The following RBFOX3 variants were observed in gnomAD, a reference collection of about 807,000 sequenced individuals.
The protein encoded by RBFOX3 is RNA binding protein fox-1 homolog 3.
A neutral mutation model predicts 48.7 loss-of-function variants in RBFOX3; 17 were observed. That is an observed-to-expected ratio of 0.35 (90% CI 0.24 to 0.52). RBFOX3 has a LOEUF of 0.52. Ranked by LOEUF, RBFOX3 falls within the 20% of genes least tolerant of loss-of-function variation. The pLI, the probability that RBFOX3 is intolerant of heterozygous loss-of-function variation, is 0.94. For synonymous variants in RBFOX3, 212 were observed against 209.5 expected (o/e 1.01, Z -0.10); for missense variants, 382 against 497.5 (o/e 0.77, Z 2.21).
At chr17:79,354,625 C>T (rs148233032) in intron 2 of RBFOX3, among the ~76,000 whole-genome samples, 11 of 152,356 alleles carry the variant, frequency 7.2e-5, no homozygotes, top group African/African-American at 2.2e-4. Flanking sequence ...GGGACTGAGG[C>T]GTGGAACAGA....
rs1176095297 is a variant in RBFOX3 at position 79,443,083 on chromosome 17, C to T, written c.-175+39371G>A. The stretch of plus-strand genomic sequence containing the variant: ...CTCACAGGCCAAAGGTGCACATGGA[C>T]GAGACAGTGGTGGCCTCTGCCCCTG... On this transcript the variant is annotated intron_variant, in intron 2 of 14. Coordinates refer to ENST00000693108, the MANE Select transcript of RBFOX3 (RefSeq NM_001350451.2). The surrounding 1 kb of genome is among the most constrained non-coding windows in gnomAD (Gnocchi z 4.4). Among the ~76,000 whole-genome samples, 1 of 152,234 alleles carries T rather than the reference C, an allele frequency of 6.6e-6. No individual in the cohort carries two copies. The highest frequency in any genetic ancestry group is 1.5e-5 in the Non-Finnish European group (1 of 68,046).
intron 3 of RBFOX3, among the ~76,000 whole-genome samples, chr17:79,241,401 T>A (rs12945287): frequency 6.6e-6 from 1 of 152,050 alleles, no homozygotes; most frequent in Non-Finnish European, 1.5e-5. Context: ...TTTTGGGACA[T>A]CTCTTCTTAA....
At chr17:79,338,497 T>C (rs2081548961) in intron 2 of RBFOX3, among the ~76,000 whole-genome samples, 1 of 152,174 alleles carries the variant, frequency 6.6e-6, no homozygotes, top group Non-Finnish European at 1.5e-5. Flanking sequence ...AAACAGCTTT[T>C]CCAGAATTGG....
chr17:79,148,480 G>A lies in RBFOX3; in HGVS notation c.-33-32732C>T, dbSNP rs2043548256. ...CAAACCCAGGTTTGAGCCACAGGAGGAGGGAGAAGCACCCCACACCCCCCC... is the reference window on the plus strand; with the variant it reads ...CAAACCCAGGTTTGAGCCACAGGAGAAGGGAGAAGCACCCCACACCCCCCC... On this transcript the variant is annotated intron_variant, in intron 4 of 14. Coordinates refer to ENST00000693108, the MANE Select transcript of RBFOX3 (RefSeq NM_001350451.2). 2.0e-5 allele frequency among the ~76,000 whole-genome samples: 3 copies of A among 152,172 alleles called. No individual in the cohort carries two copies. The East Asian group carries it at 5.8e-4, about 29-fold the overall frequency.
At chr17:79,330,999 T>A (rs548785049) in intron 2 of RBFOX3, among the ~76,000 whole-genome samples, 4 of 152,118 alleles carry the variant, frequency 2.6e-5, no homozygotes, top group Non-Finnish European at 5.9e-5. Flanking sequence ...GTGGGTCCCA[T>A]CCCGCTAACT....
In RBFOX3 at chr17:79,494,975, C is replaced by A. The variant is rs987268871; in HGVS notation, c.-319-12377G>T. On this transcript the variant is annotated intron_variant, in intron 1 of 14. Transcript: ENST00000693108. ...GAGGAGGACTTGGAACCACCCAAGTCTGCCCCATCTTTGGGGGTGGCTGTC... is the reference window on the plus strand; with the variant it reads ...GAGGAGGACTTGGAACCACCCAAGTATGCCCCATCTTTGGGGGTGGCTGTC... Among the ~76,000 whole-genome samples the A allele has an allele frequency of 1.5e-3, 236 of 152,304 alleles. 2 individuals carry two copies. Among genetic ancestry groups the A allele is most frequent in the African/African-American group, 5.6e-3 (234 of 41,566 alleles).
intron 3 of RBFOX3, among the ~76,000 whole-genome samples, chr17:79,259,727 C>T (rs865962748): frequency 3.9e-5 from 6 of 152,094 alleles, no homozygotes; most frequent in African/African-American, 9.7e-5. Context: ...AGCCAGGAGA[C>T]GCAGGGACAG....
intron 3 of RBFOX3, among the ~76,000 whole-genome samples, chr17:79,291,822 G>C (rs571604099): frequency 3.9e-5 from 6 of 152,258 alleles, no homozygotes; most frequent in Non-Finnish European, 7.4e-5. Context: ...CTCTGTTCAG[G>C]AGCAAGCAAG....
chr17:79,187,769 GC>G (rs1457626761), intron 4 of RBFOX3, among the ~76,000 whole-genome samples: 2 of 152,114 alleles, frequency 1.3e-5, no homozygotes. Flanking sequence ...TCAGGGAGAA[GC>G]CCCCACTCAG....
At chr17:79,115,400 G>T in intron 5 of RBFOX3, 94 bp downstream of exon 5, 2 of 780,770 alleles carry the variant, frequency 2.6e-6, no homozygotes, top group Non-Finnish European at 3.5e-6. Flanking sequence ...TCGCCCACCT[G>T]GTACACCTCA....
chr17:79,570,970 G>A (rs1217068588), intron 1 of RBFOX3, among the ~76,000 whole-genome samples: 16 of 152,210 alleles, frequency 1.1e-4, no homozygotes, highest in Admixed American at 2.0e-4. Flanking sequence ...GGGGGCCCCC[G>A]GGAGAAAAGA....
chr17:79,415,237 C>T (rs1206573735), intron 2 of RBFOX3, among the ~76,000 whole-genome samples: 1 of 152,240 alleles, frequency 6.6e-6, no homozygotes, highest in Non-Finnish European at 1.5e-5. Flanking sequence ...TTCGTTTAAG[C>T]CCAGATGAGT....
At chr17:79,352,596 C>G (rs2084171426) in intron 2 of RBFOX3, among the ~76,000 whole-genome samples, 2 of 152,208 alleles carry the variant, frequency 1.3e-5, no homozygotes, top group South Asian at 4.1e-4. Context: ...CCCAACTTAC[C>G]TCTTAAATGT....
chr17:79,529,067 T>G (rs2087269679), intron 1 of RBFOX3, among the ~76,000 whole-genome samples: 4 of 152,210 alleles, frequency 2.6e-5, no homozygotes. Context: ...TCCATGTGAA[T>G]GGATGCTATC....
chr17:79,652,452 AAGAGAGAG>A, the RBFOX3 span, among the ~76,000 whole-genome samples: 1 of 146,908 alleles, frequency 6.8e-6, no homozygotes, highest in Non-Finnish European at 1.5e-5. Flanking sequence ...TCTGGAAAGA[AAGAGAGAG>A]AGAGAGAGAG....
intron 3 of RBFOX3, among the ~76,000 whole-genome samples, chr17:79,273,271 G>A (rs749714): frequency 0.034 from 5,218 of 152,248 alleles, 283 homozygotes; most frequent in African/African-American, 0.12. Context: ...AGGGATTGAG[G>A]GCCACTTGCA....
chr17:79,186,574 T>TG lies in RBFOX3; in HGVS notation c.-34+49191dup, dbSNP rs1353348027. Among the ~76,000 whole-genome samples the TG allele has an allele frequency of 4.0e-5, 6 of 151,336 alleles. No homozygotes were observed. In the South Asian group the frequency reaches 6.3e-4, roughly 16 times the overall value. On this transcript the variant is annotated intron_variant, in intron 4 of 14. Transcript: ENST00000693108. ...GGGGTGGGTGGCCCTGAGCAGGGGGTGGGGGAAGCCTGTGCTCCTGGTGGC... is the reference window on the plus strand; with the variant it reads ...GGGGTGGGTGGCCCTGAGCAGGGGGTGGGGGGAAGCCTGTGCTCCTGGTGGC...
At chr17:79,491,555 C>T (rs2080657841) in intron 1 of RBFOX3, among the ~76,000 whole-genome samples, 1 of 151,898 alleles carries the variant, frequency 6.6e-6, no homozygotes, top group Non-Finnish European at 1.5e-5. Context: ...GGTGACCAGT[C>T]CCACCCACAT....
intron 1 of RBFOX3, among the ~76,000 whole-genome samples, chr17:79,565,735 G>A (rs1353026443): frequency 6.6e-6 from 1 of 152,114 alleles, no homozygotes; most frequent in East Asian, 1.9e-4. Context: ...CTTAACATAA[G>A]ACCCTGGCAG....
Sources: gnomAD v4.1 joint callset for allele counts (sites outside exome capture counted in the v4.1 genomes callset) on GRCh38, gnomAD v4.1.1 for gene constraint, Gnocchi (gnomAD v3.1) non-coding constraint, MANE v1.5 for transcripts, NCBI Gene and HGNC (gene_info 2026-07-23, HGNC 2026-07-21) for gene names.